The following SYT9 variants were observed in gnomAD, a reference collection of about 807,000 sequenced individuals.
The protein encoded by SYT9 is synaptotagmin-9.
In SYT9, 22 loss-of-function variants were observed where a neutral mutation model predicts 48.4. That is an observed-to-expected ratio of 0.45 (90% CI 0.32 to 0.65). SYT9 has a LOEUF of 0.65. SYT9 is among the 30% of genes least tolerant of loss of function. SYT9 has a pLI of 0.03. For synonymous variants in SYT9, 265 were observed against 245.0 expected, an observed-to-expected ratio of 1.08 and a Z score of -0.76; for missense variants, 577 against 622.0, an observed-to-expected ratio of 0.93 and a Z score of 0.77.
intron 3 of SYT9, among the ~76,000 whole-genome samples, chr11:7,320,744 C>T (rs1049469446): frequency 1.3e-5 from 2 of 152,190 alleles, no homozygotes; most frequent in African/African-American, 2.4e-5. Flanking sequence ...AATCCTCATG[C>T]TTTCCTATGA....
intron 3 of SYT9, among the ~76,000 whole-genome samples, chr11:7,336,775 G>C (rs1230199386): frequency 6.6e-6 from 1 of 151,698 alleles, no homozygotes; most frequent in African/African-American, 2.4e-5. Context: ...TGTTGAGGTT[G>C]GGGAATGTGA....
chr11:7,418,507 C>T (rs993072832), intron 5 of SYT9, among the ~76,000 whole-genome samples: 4 of 152,226 alleles, frequency 2.6e-5, no homozygotes, highest in African/African-American at 9.6e-5. Context: ...TGGAAGGATT[C>T]CACTCAAAAT....
At chr11:7,376,318 CTA>C (rs138743350) in intron 3 of SYT9, among the ~76,000 whole-genome samples, 21,141 of 148,880 alleles carry the variant, frequency 0.14, 1,743 homozygotes, top group South Asian at 0.23. Context: ...TTCTCTCTCT[CTA>C]TCTCTCTTTC....
At chr11:7,239,712 G>C (rs1208554962) in intron 1 of SYT9, among the ~76,000 whole-genome samples, 4 of 152,156 alleles carry the variant, frequency 2.6e-5, no homozygotes, top group Non-Finnish European at 5.9e-5. Context: ...TGGAGTAGGG[G>C]CGGAGAGAAG....
At chr11:7,431,693 T>C (rs1227062124) in intron 6 of SYT9, among the ~76,000 whole-genome samples, 1 of 152,200 alleles carries the variant, frequency 6.6e-6, no homozygotes, top group East Asian at 1.9e-4. Context: ...AGGACACTGC[T>C]CCCCACATCC....
In SYT9 at chr11:7,331,499, G is replaced by A. The variant is rs570679043; in HGVS notation, c.1044+17558G>A. Among the ~76,000 whole-genome samples, 12 of 152,014 alleles carry A rather than the reference G, an allele frequency of 7.9e-5. No individual in the cohort carries two copies. The South Asian group carries it at 1.2e-3, about 16-fold the overall frequency. On this transcript the variant is annotated intron_variant, in intron 3 of 6. Transcript: ENST00000318881. ...TTTAACTAAAGGCTATTCACAAGCC[G>A]AGGAATTTGAGACTAGCCTGGGCAA...
intron 6 of SYT9, among the ~76,000 whole-genome samples, chr11:7,425,548 CAAA>C (rs1564899357): frequency 6.6e-6 from 1 of 151,820 alleles, no homozygotes. Context: ...TGAGACAAGA[CAAA>C]AAGAAAAGCA....
At chr11:7,397,785 A>C (rs1846785433) in intron 3 of SYT9, among the ~76,000 whole-genome samples, 2 of 152,060 alleles carry the variant, frequency 1.3e-5, no homozygotes, top group Admixed American at 6.6e-5. Context: ...GTTAAATTTT[A>C]CTCCTCAATT....
At chr11:7,384,062 CCACACACACA>C (rs3086255) in intron 3 of SYT9, among the ~76,000 whole-genome samples, 140 of 149,594 alleles carry the variant, frequency 9.4e-4, no homozygotes, top group Admixed American at 4.9e-3. Context: ...AATTCACTAG[CCACACACACA>C]CACACACACA....
In SYT9 at chr11:7,251,935, G is replaced by T; in HGVS notation, c.-252G>T. 2.5e-6 allele frequency: 1 copy of T among 405,324 alleles called. No homozygotes were observed. The highest frequency in any genetic ancestry group is 4.4e-6 in the Non-Finnish European group (1 of 229,550). The allele number at this position is 405,324 out of a possible 1,614,324, so 25.1% of individuals were successfully genotyped here. On this transcript the variant is annotated 5_prime_UTR_variant, in exon 1 of 7. Coordinates refer to ENST00000318881, the MANE Select transcript of SYT9 (RefSeq NM_175733.4). ...GGCTGTGCGGCACCGCCTCTCCTCG[G>T]TGTCTGGGGAGGGACGGAGGGACCG...
chr11:7,365,118 G>T (rs1850216290), intron 3 of SYT9, among the ~76,000 whole-genome samples: 1 of 151,954 alleles, frequency 6.6e-6, no homozygotes, highest in Admixed American at 6.6e-5. Context: ...TCCATTGACT[G>T]CAAGGCTTAT....
At chr11:7,413,396 A>C (rs1187662784) in intron 3 of SYT9, among the ~76,000 whole-genome samples, 2 of 152,162 alleles carry the variant, frequency 1.3e-5, no homozygotes, top group Non-Finnish European at 2.9e-5. Flanking sequence ...GGGTCACAGC[A>C]TGAGCTCCCT....
At chr11:7,279,157 C>CT (rs1022966796) in intron 1 of SYT9, among the ~76,000 whole-genome samples, 1 of 152,070 alleles carries the variant, frequency 6.6e-6, no homozygotes, top group Non-Finnish European at 1.5e-5. Context: ...AAACTCAAGG[C>CT]TTGTGAGCTT....
chr11:7,282,458 C>A (rs1263772168), intron 1 of SYT9, among the ~76,000 whole-genome samples: 1 of 152,138 alleles, frequency 6.6e-6, no homozygotes, highest in Non-Finnish European at 1.5e-5. Flanking sequence ...ATAAAATATC[C>A]TTTGCCCAGG....
intron 5 of SYT9, among the ~76,000 whole-genome samples, chr11:7,418,987 GCAGC>G: frequency 6.6e-6 from 1 of 152,270 alleles, no homozygotes; most frequent in South Asian, 2.1e-4. Context: ...TATCAGGAAG[GCAGC>G]TTCAGTGACC....
chr11:7,239,514 A>G (rs1847718772), intron 1 of SYT9, among the ~76,000 whole-genome samples: 1 of 152,210 alleles, frequency 6.6e-6, no homozygotes, highest in Non-Finnish European at 1.5e-5. Flanking sequence ...TGGACTAATT[A>G]GTTTTGACCT....
At chr11:7,340,478 T>A (rs1267770747) in intron 3 of SYT9, among the ~76,000 whole-genome samples, 1 of 152,084 alleles carries the variant, frequency 6.6e-6, no homozygotes, top group South Asian at 2.1e-4. Context: ...TTCTTTCTCA[T>A]CTCTGCATGT....
At chr11:7,246,866 G>T (rs1465082899) in intron 1 of SYT9, among the ~76,000 whole-genome samples, 1 of 152,192 alleles carries the variant, frequency 6.6e-6, no homozygotes, top group Non-Finnish European at 1.5e-5. Context: ...GCTGGCTGTT[G>T]ACTGAGGCAT....
In SYT9 at chr11:7,275,723, G is replaced by A. The variant is rs117005504; in HGVS notation, c.145+23392G>A. On this transcript the variant is annotated intron_variant, in intron 1 of 6. Coordinates refer to ENST00000318881, the MANE Select transcript of SYT9 (RefSeq NM_175733.4). ...CATCTCCATTTGCATAGATGAAGGA[G>A]CCTCTAAATCAATGTGTCCACAACC... Among the ~76,000 whole-genome samples the A allele has an allele frequency of 5.0e-3, 767 of 152,238 alleles. 3 individuals carry two copies. The highest frequency in any genetic ancestry group is 6.9e-3 in the Non-Finnish European group (472 of 68,012).
Sources: gnomAD v4.1 joint callset for allele counts (sites outside exome capture counted in the v4.1 genomes callset) on GRCh38, gnomAD v4.1.1 for gene constraint, MANE v1.5 for transcripts, NCBI Gene and HGNC (gene_info 2026-07-23, HGNC 2026-07-21) for gene names.